The following PCDHGB1 variants were observed in gnomAD, a reference collection of about 807,000 sequenced individuals.
PCDHGB1 encodes the protein protocadherin gamma subfamily B, 1.
In PCDHGB1, 34 loss-of-function variants were observed where a neutral mutation model predicts 56.6. The ratio of observed to expected loss-of-function variants is 0.60; its 90% CI spans 0.46 to 0.80. PCDHGB1 has a LOEUF of 0.80. Ranked by LOEUF, PCDHGB1 falls within the 30% of genes least tolerant of loss-of-function variation. PCDHGB1 has a pLI of 0.00. For missense variants in PCDHGB1, 1,278 were observed against 1,204.6 expected, an observed-to-expected ratio of 1.06 and a Z score of -0.90; for synonymous variants, 561 against 505.9, an observed-to-expected ratio of 1.11 and a Z score of -1.46.
intron 1 of PCDHGB1, chr5:141,419,005 C>G: frequency 6.2e-7 from 1 of 1,613,944 alleles, no homozygotes; most frequent in Non-Finnish European, 8.5e-7. Context: ...ATGGGGAAGT[C>G]AGGTGTAGCT....
intron 1 of PCDHGB1, chr5:141,427,739 C>G: frequency 2.4e-6 from 3 of 1,232,634 alleles, no homozygotes; most frequent in Non-Finnish European, 3.5e-6. Context: ...ATGGCCAAGT[C>G]TCCTACTCCA....
chr5:141,419,551 C>T lies in PCDHGB1; in HGVS notation c.2409+66882C>T, dbSNP rs772468979. Reference sequence around the variant, plus strand: ...ACGACAACGCACCGCGGGTGCTGTACCCTGCGCTGGGTCCCGACGGCTCCG... The same window carrying T: ...ACGACAACGCACCGCGGGTGCTGTATCCTGCGCTGGGTCCCGACGGCTCCG... On this transcript the variant is annotated intron_variant, in intron 1 of 3. Transcript: ENST00000523390. 7 of 1,611,916 alleles carry T rather than the reference C, an allele frequency of 4.3e-6. No individual in the cohort carries two copies. The Admixed American group carries it at 1.2e-4, about 27-fold the overall frequency.
Position 141,487,548 on chromosome 5 carries a change from G to T in PCDHGB1, c.2410-7259G>T. The T allele has an allele frequency of 6.2e-7, 1 of 1,614,190 alleles. No homozygotes were observed. Among genetic ancestry groups the T allele is most frequent in the Non-Finnish European group, 8.5e-7 (1 of 1,180,038 alleles). ...AGCTTCATGATGGTGAAGTCACCCA[G>T]TGCACCTATGGCAGGGGAGCCTGTT... is the stretch of plus-strand genomic sequence containing the variant. On this transcript the variant is annotated intron_variant, in intron 1 of 3. Coordinates refer to ENST00000523390, the MANE Select transcript of PCDHGB1 (RefSeq NM_018922.3). The surrounding 1 kb of genome is among the most constrained non-coding windows in gnomAD (Gnocchi z 5.0).
chr5:141,372,224 G>C (rs766861746), intron 1 of PCDHGB1: 25 of 1,613,414 alleles, frequency 1.5e-5, no homozygotes, highest in Non-Finnish European at 2.0e-5. Flanking sequence ...ACATTGTGCA[G>C]GCCAGCGAGC....
chr5:141,391,847 A>T (rs1478301262), intron 1 of PCDHGB1: 1 of 152,232 alleles, frequency 6.6e-6, no homozygotes, highest in Non-Finnish European at 1.5e-5. Context: ...TGTAAAAGTC[A>T]AGTCTGCTTT....
chr5:141,403,068 C>T, intron 1 of PCDHGB1: 1 of 1,614,064 alleles, frequency 6.2e-7, no homozygotes, highest in South Asian at 1.1e-5. Flanking sequence ...CCTGAAGAGA[C>T]AGAAAAGGGC....
At position 141,511,462 on chromosome 5, in the gene PCDHGB1, C is replaced by A. The variant is rs1385398410; in HGVS notation, c.*289C>A. ...AGACACCAAGAACCATTTGCCACAC[C>A]CCGTTTAGTTACAGCTGAACTCCTC... On this transcript the variant is annotated 3_prime_UTR_variant, in exon 4 of 4. Coordinates refer to ENST00000523390, the MANE Select transcript of PCDHGB1 (RefSeq NM_018922.3). The A allele has an allele frequency of 4.7e-5, 26 of 556,350 alleles. No individual in the cohort carries two copies. Among genetic ancestry groups the A allele is most frequent in the Non-Finnish European group, 9.1e-6 (3 of 329,202 alleles). 34.5% of individuals were successfully genotyped at this position (556,350 alleles called of 1,614,324 possible). A position where few individuals can be genotyped will look rare whatever the true frequency, so the allele number is the denominator to read the frequency against.
rs139211149 is a variant in PCDHGB1, at chr5:141,426,067, G to A, written c.2410-68740G>A. Among the ~76,000 whole-genome samples, 5 of 152,328 alleles carry A rather than the reference G, an allele frequency of 3.3e-5. No individual in the cohort carries two copies. The East Asian group carries it at 9.6e-4, about 29-fold the overall frequency. On this transcript the variant is annotated intron_variant, in intron 1 of 3. Coordinates refer to ENST00000523390, the MANE Select transcript of PCDHGB1 (RefSeq NM_018922.3). Reference sequence around the variant, plus strand: ...TGGCCAATGTGCTGCAAGAACTGGAGCCTGGGATCTACCAGGACGATATTC... The same window carrying A: ...TGGCCAATGTGCTGCAAGAACTGGAACCTGGGATCTACCAGGACGATATTC...
At position 141,351,773 on chromosome 5, in the gene PCDHGB1, C is replaced by G. The variant is rs374508079; in HGVS notation, c.1513C>G (p.Pro505Ala). The change falls in exon 1 of 4, where the codon CCG becomes GCG. Residue 505 changes from proline to alanine, a missense_variant. Transcript: ENST00000523390. Reference protein sequence around the residue: ...RELLSYVSVSPQSGVVFAQRA... With the variant: ...RELLSYVSVSAQSGVVFAQRA... Reference sequence around the variant, plus strand: ...GCTGTTGTCCTACGTGTCCGTGAGCCCGCAGAGCGGGGTGGTGTTCGCGCA... The same window carrying G: ...GCTGTTGTCCTACGTGTCCGTGAGCGCGCAGAGCGGGGTGGTGTTCGCGCA... The G allele has an allele frequency of 2.6e-4, 414 of 1,613,372 alleles. 3 individuals are homozygous for G. The East Asian group carries it at 7.2e-3, about 28-fold the overall frequency.
At chr5:141,410,471 G>GC in intron 1 of PCDHGB1, 1 of 1,613,988 alleles carries the variant, frequency 6.2e-7, no homozygotes, top group Non-Finnish European at 8.5e-7. Flanking sequence ...TCTGTGCATT[G>GC]CACATACGGG....
intron 1 of PCDHGB1, chr5:141,361,038 C>G: frequency 6.2e-7 from 1 of 1,613,384 alleles, no homozygotes; most frequent in Non-Finnish European, 8.5e-7. Context: ...CAGGAGAAAT[C>G]ACGACAAAGG....
chr5:141,396,725 T>A (rs1432052825), intron 1 of PCDHGB1: 2 of 152,198 alleles, frequency 1.3e-5, no homozygotes, highest in East Asian at 3.8e-4. Flanking sequence ...AATACCTGAA[T>A]TGATTGTTGT....
At chr5:141,427,280 A>G (rs1351534612) in intron 1 of PCDHGB1, 3 of 456,834 alleles carry the variant, frequency 6.6e-6, no homozygotes, top group Non-Finnish European at 8.8e-6. Context: ...GTAAAATTAT[A>G]CTAGAAATCC....
Position 141,431,919 on chromosome 5 carries a change from A to C in PCDHGB1, c.2410-62888A>C, listed in dbSNP as rs2097428718. The C allele has an allele frequency of 7.4e-6, 12 of 1,614,040 alleles. No individual in the cohort carries two copies. Among genetic ancestry groups the C allele is most frequent in the Non-Finnish European group, 1.0e-5 (12 of 1,179,980 alleles). On this transcript the variant is annotated intron_variant, in intron 1 of 3. Transcript: ENST00000523390. This position sits in a 1 kb window ranked among gnomAD's most constrained non-coding sequence, Gnocchi z 4.8. ...AACGGACAGGTGATCTGTTTCATCC[A>C]AGGAAATCTGCCCTTTAAATTAGAA... is the stretch of plus-strand genomic sequence containing the variant.
chr5:141,351,039 G>C lies in PCDHGB1; in HGVS notation c.779G>C (p.Arg260Pro). 6.2e-7 allele frequency: 1 copy of C among 1,614,076 alleles called. No homozygotes were observed. The highest frequency in any genetic ancestry group is 8.5e-7 in the Non-Finnish European group (1 of 1,179,902). ...ENVPWGTSVL[R>P]VMATDQDEGI... The stretch of plus-strand genomic sequence containing the variant: ...GTACCGTGGGGAACCTCCGTGCTGC[G>C]GGTGATGGCCACAGACCAGGATGAG... The change falls in exon 1 of 4, where the codon CGG (arginine) becomes CCG (proline). Residue 260 changes from arginine (R) to proline (P), a missense_variant. Coordinates refer to ENST00000523390, the MANE Select transcript of PCDHGB1 (RefSeq NM_018922.3).
chr5:141,383,351 G>C, intron 1 of PCDHGB1: 1 of 1,613,992 alleles, frequency 6.2e-7, no homozygotes, highest in Non-Finnish European at 8.5e-7. Flanking sequence ...CCTGGGGTTC[G>C]GTTTCCGTTA....
chr5:141,450,092 C>T (rs761677942), intron 1 of PCDHGB1, among the ~76,000 whole-genome samples: 2 of 148,672 alleles, frequency 1.3e-5, no homozygotes, highest in Non-Finnish European at 3.0e-5. Flanking sequence ...CTGCAACCTC[C>T]GCCTCCCAGG....
At chr5:141,409,358 A>G (rs757614552) in intron 1 of PCDHGB1, 2 of 1,613,900 alleles carry the variant, frequency 1.2e-6, no homozygotes, top group Non-Finnish European at 8.5e-7. Flanking sequence ...CAGGTGTAAT[A>G]TAGAAACAGA....
In PCDHGB1 at chr5:141,476,886, C is replaced by T; in HGVS notation, c.2410-17921C>T. ...TACCGGGCGCGCGTCCTGGAGGATG[C>T]ACCCTCCGGCACGCGCGTGGTACAA... On this transcript the variant is annotated intron_variant, in intron 1 of 3. Transcript: ENST00000523390. This position sits in a 1 kb window ranked among gnomAD's most constrained non-coding sequence, Gnocchi z 7.6. The T allele has an allele frequency of 9.9e-6, 16 of 1,613,924 alleles. No individual in the cohort carries two copies. Among genetic ancestry groups the T allele is most frequent in the Non-Finnish European group, 1.4e-5 (16 of 1,180,032 alleles).
Sources: gnomAD v4.1 joint callset for allele counts (sites outside exome capture counted in the v4.1 genomes callset) on GRCh38, gnomAD v4.1.1 for gene constraint, Gnocchi (gnomAD v3.1) non-coding constraint, MANE v1.5 for transcripts, NCBI Gene and HGNC (gene_info 2026-07-23, HGNC 2026-07-21) for gene names.